DENND1A: variants seen among roughly 807,000 people sequenced by gnomAD.
DENND1A encodes the protein DENN domain containing 1A.
Under a neutral mutation model 113.7 loss-of-function variants are expected in DENND1A, and 51 were observed. The ratio of observed to expected loss-of-function variants is 0.45; its 90% CI spans 0.36 to 0.57. DENND1A has a LOEUF of 0.57. Among genes scored for constraint, DENND1A ranks in the 20% least tolerant of loss-of-function variants. The pLI, the probability that DENND1A is intolerant of heterozygous loss-of-function variation, is 0.00. For missense variants in DENND1A, 1,258 were observed against 1,395.9 expected, an observed-to-expected ratio of 0.90 and a Z score of 1.57; for synonymous variants, 565 against 570.8, an observed-to-expected ratio of 0.99 and a Z score of 0.14.
chr9:123,883,378 TCTA>T (rs1284635407), intron 1 of DENND1A, among the ~76,000 whole-genome samples: 1 of 152,184 alleles, frequency 6.6e-6, no homozygotes, highest in Non-Finnish European at 1.5e-5. Flanking sequence ...CTTCCTGAGG[TCTA>T]AAAGATTTCA....
chr9:123,848,824 A>G (rs1216233789), intron 2 of DENND1A, among the ~76,000 whole-genome samples: 2 of 152,232 alleles, frequency 1.3e-5, no homozygotes, highest in Non-Finnish European at 2.9e-5. Context: ...TTGCTGATAC[A>G]TGAAAGTTTT....
chr9:123,651,932 A>G (rs943472079), intron 9 of DENND1A, 81 bp downstream of exon 9: 6 of 1,295,028 alleles, frequency 4.6e-6, no homozygotes, highest in Non-Finnish European at 5.4e-6. Flanking sequence ...TCCTTTTTCT[A>G]AAATTTTCTT....
chr9:123,440,556 C>A, intron 18 of DENND1A, 65 bp from the exon 19 acceptor site: 2 of 1,487,360 alleles, frequency 1.3e-6, no homozygotes, highest in African/African-American at 1.5e-5. Context: ...CCTCTCACCC[C>A]ACAACGAAGA....
At chr9:123,682,928 A>G (rs2064563554) in intron 5 of DENND1A, among the ~76,000 whole-genome samples, 1 of 152,218 alleles carries the variant, frequency 6.6e-6, no homozygotes, top group Non-Finnish European at 1.5e-5. Flanking sequence ...CAGAATGGGC[A>G]GGAAAACAGA....
At chr9:123,845,670 C>CAAAAAAA (rs555731367) in intron 2 of DENND1A, among the ~76,000 whole-genome samples, 28 of 44,076 alleles carry the variant, frequency 6.4e-4, no homozygotes, top group African/African-American at 1.6e-3. Context: ...AACCTGTCTC[C>CAAAAAAA]AAAAAAAAAA....
intron 5 of DENND1A, among the ~76,000 whole-genome samples, chr9:123,701,137 A>C (rs1290178779): frequency 6.6e-6 from 1 of 152,234 alleles, no homozygotes; most frequent in Non-Finnish European, 1.5e-5. Flanking sequence ...TAAGTTATGC[A>C]GAGATTTCAC....
chr9:123,680,032 A>G (rs2064339797), intron 5 of DENND1A, among the ~76,000 whole-genome samples: 1 of 152,194 alleles, frequency 6.6e-6, no homozygotes, highest in Non-Finnish European at 1.5e-5. Context: ...CTCATCAGAA[A>G]GAGACACACC....
At chr9:123,583,433 C>T (rs1014412318) in intron 11 of DENND1A, among the ~76,000 whole-genome samples, 163 bp from the exon 12 acceptor site, 1 of 152,210 alleles carries the variant, frequency 6.6e-6, no homozygotes, top group African/African-American at 2.4e-5. Flanking sequence ...TGTTAGCTCA[C>T]TGAACTCTCA....
chr9:123,466,502 G>C (rs1402293631), intron 13 of DENND1A, among the ~76,000 whole-genome samples: 5 of 152,120 alleles, frequency 3.3e-5, no homozygotes, highest in African/African-American at 1.2e-4. Context: ...TTTTCACCAT[G>C]TTGGTCAGGC....
chr9:123,521,839 A>G (rs1198850568), intron 13 of DENND1A, among the ~76,000 whole-genome samples: 1 of 152,216 alleles, frequency 6.6e-6, no homozygotes, highest in East Asian at 1.9e-4. Context: ...CCTCATCTGT[A>G]ACAGGGATGC....
intron 1 of DENND1A, among the ~76,000 whole-genome samples, chr9:123,882,660 A>G (rs1167680637): frequency 6.6e-6 from 1 of 152,124 alleles, no homozygotes; most frequent in Non-Finnish European, 1.5e-5. Context: ...GAGTCAGATC[A>G]CAACATTAAC....
chr9:123,608,306 T>C (rs1330807747), intron 11 of DENND1A, among the ~76,000 whole-genome samples: 1 of 152,194 alleles, frequency 6.6e-6, no homozygotes, highest in African/African-American at 2.4e-5. Flanking sequence ...AATAGCACAG[T>C]GTGCAACAGT....
chr9:123,739,849 T>C (rs574365949), intron 5 of DENND1A, among the ~76,000 whole-genome samples: 1 of 152,078 alleles, frequency 6.6e-6, no homozygotes, highest in Non-Finnish European at 1.5e-5. Flanking sequence ...GACAAAAAAG[T>C]TCTTCCCTCT....
chr9:123,497,112 T>A (rs1436059135), intron 13 of DENND1A, among the ~76,000 whole-genome samples: 1 of 152,210 alleles, frequency 6.6e-6, no homozygotes, highest in African/African-American at 2.4e-5. Context: ...GTTTGATGTC[T>A]TCTGTGGGGC....
intron 12 of DENND1A, among the ~76,000 whole-genome samples, chr9:123,565,282 G>A (rs1002585478): frequency 5.9e-5 from 9 of 152,108 alleles, no homozygotes; most frequent in South Asian, 4.1e-4. Context: ...GTGAGCCACC[G>A]CACCCGGCCT....
Position 123,383,835 on chromosome 9 carries a change from C to T in DENND1A, c.1839G>A (p.Arg613=). ...GAGCTGGGACAGGGCCTGTGGACTT[C>T]CGCACTTGCTGCTCTGGACTCTCTG... ...DEAESPEQQV[R]KSTGPVPAPP... The change falls in exon 23 of 24, where the codon CGG becomes CGA. Residue 613 remains arginine (R), a synonymous_variant. Coordinates refer to ENST00000394215, the MANE Select transcript of DENND1A (RefSeq NM_001352964.2). 2 of 1,613,900 alleles carry T rather than the reference C, an allele frequency of 1.2e-6. No homozygotes were observed. Among genetic ancestry groups the T allele is most frequent in the Non-Finnish European group, 1.7e-6 (2 of 1,180,022 alleles).
chr9:123,860,421 T>C (rs898600788), intron 2 of DENND1A, among the ~76,000 whole-genome samples: 9 of 152,368 alleles, frequency 5.9e-5, no homozygotes, highest in African/African-American at 2.2e-4. Flanking sequence ...AGTTACAGAA[T>C]TCTCCATAGT....
chr9:123,654,575 C>T (rs2062834924), intron 8 of DENND1A, among the ~76,000 whole-genome samples: 2 of 152,228 alleles, frequency 1.3e-5, no homozygotes, highest in Admixed American at 6.5e-5. Context: ...TTGATTGAGG[C>T]ATGTCCCCCA....
At chr9:123,776,688 G>A (rs565198084) in intron 3 of DENND1A, among the ~76,000 whole-genome samples, 3 of 152,254 alleles carry the variant, frequency 2.0e-5, no homozygotes, top group African/African-American at 7.2e-5. Context: ...GTCAAGACAA[G>A]CACCAAAACC....
Sources: allele counts gnomAD v4.1 joint callset (sites outside exome capture counted in the v4.1 genomes callset), GRCh38; gene constraint gnomAD v4.1.1; transcripts MANE v1.5; gene names NCBI Gene and HGNC (gene_info 2026-07-23, HGNC 2026-07-21).